DRICH1: variants seen among roughly 807,000 people sequenced by gnomAD.
DRICH1 encodes the protein aspartate rich 1.
In DRICH1, 38 loss-of-function variants were observed where a neutral mutation model predicts 39.5. The ratio of observed to expected loss-of-function variants is 0.96; its 90% confidence interval spans 0.74 to 1.26. DRICH1 has a LOEUF of 1.26. Ranked by LOEUF, DRICH1 falls within the 50% of genes most tolerant of loss-of-function variation. The probability of loss-of-function intolerance (pLI) is 0.00; values close to 1 mark genes in which losing one functional copy is unlikely to be tolerated. For synonymous variants in DRICH1, 84 were observed against 99.5 expected, an observed-to-expected ratio of 0.84 and a Z score of 0.93; for missense variants, 279 against 270.4, an observed-to-expected ratio of 1.03 and a Z score of -0.22.
intron 8 of DRICH1, 53 bp from the exon 9 acceptor site, chr22:23,614,267 C>G (rs1927219986): frequency 2.3e-6 from 3 of 1,312,982 alleles, no homozygotes; most frequent in Non-Finnish European, 3.3e-6. Context: ...GACTCTGAGT[C>G]ACTCGGGGAG....
At chr22:23,621,295 T>G (rs1441682167) in intron 4 of DRICH1, among the ~76,000 whole-genome samples, 1 of 152,028 alleles carries the variant, frequency 6.6e-6, no homozygotes, top group Admixed American at 6.6e-5. Flanking sequence ...GCAAAATAGC[T>G]CGCTTTGTCT....
At chr22:23,589,328 G>C in the DRICH1 span, among the ~76,000 whole-genome samples, 1 of 151,926 alleles carries the variant, frequency 6.6e-6, no homozygotes, top group Non-Finnish European at 1.5e-5. Context: ...GCTTGAACCT[G>C]TAGCCCCAGC....
chr22:23,601,697 G>A, the DRICH1 span, among the ~76,000 whole-genome samples: 4 of 152,204 alleles, frequency 2.6e-5, no homozygotes, highest in South Asian at 2.1e-4. Flanking sequence ...CTACCGTTGA[G>A]GGAACTGGCC....
At chr22:23,623,869 G>A in intron 3 of DRICH1, 1 of 833,368 alleles carries the variant, frequency 1.2e-6, no homozygotes, top group Non-Finnish European at 1.4e-6. Flanking sequence ...CTTCAATGAA[G>A]GTACCAAGAA....
the DRICH1 span, among the ~76,000 whole-genome samples, chr22:23,592,877 C>A: frequency 3.9e-3 from 506 of 130,180 alleles, 2 homozygotes; most frequent in East Asian, 0.028. Flanking sequence ...CACACACACA[C>A]ACAAAATTAG....
At chr22:23,589,128 C>CA in the DRICH1 span, among the ~76,000 whole-genome samples, 5 of 140,924 alleles carry the variant, frequency 3.5e-5, no homozygotes, top group East Asian at 2.0e-4. Context: ...ACACACACAC[C>CA]CCTTTGATAT....
At chr22:23,592,874 ACACAC>A in the DRICH1 span, among the ~76,000 whole-genome samples, 4 of 149,900 alleles carry the variant, frequency 2.7e-5, no homozygotes, top group Admixed American at 6.7e-5. Flanking sequence ...ACACACACAC[ACACAC>A]AAAATTAGCT....
chr22:23,613,832 T>G (rs1246136536), intron 9 of DRICH1, among the ~76,000 whole-genome samples, 172 bp from the exon 10 acceptor site: 1 of 152,152 alleles, frequency 6.6e-6, no homozygotes, highest in African/African-American at 2.4e-5. Context: ...AAACAAGACC[T>G]CTATTTGTAG....
intron 8 of DRICH1, among the ~76,000 whole-genome samples, chr22:23,615,333 G>A (rs912293033): frequency 1.3e-5 from 2 of 152,166 alleles, no homozygotes; most frequent in East Asian, 1.9e-4. Context: ...CCGCGATCAC[G>A]CCATTGCACT....
At chr22:23,601,435 G>A in the DRICH1 span, among the ~76,000 whole-genome samples, 1 of 152,200 alleles carries the variant, frequency 6.6e-6, no homozygotes, top group African/African-American at 2.4e-5. Context: ...AAACTATGCT[G>A]AGTGGGAGAA....
the DRICH1 span, among the ~76,000 whole-genome samples, chr22:23,599,803 G>A: frequency 1.3e-5 from 2 of 152,158 alleles, no homozygotes; most frequent in East Asian, 1.9e-4. Flanking sequence ...GCCCCTCATC[G>A]TCTTCACAGA....
intron 11 of DRICH1, among the ~76,000 whole-genome samples, chr22:23,611,034 GC>G (rs1349440973): frequency 6.6e-6 from 1 of 151,920 alleles, no homozygotes; most frequent in Non-Finnish European, 1.5e-5. Flanking sequence ...CACTCCCTGA[GC>G]CAAGAGCTTC....
intron 1 of DRICH1, among the ~76,000 whole-genome samples, 166 bp downstream of exon 1, chr22:23,631,650 C>G (rs1390479081): frequency 7.2e-6 from 1 of 139,066 alleles, no homozygotes; most frequent in Non-Finnish European, 1.5e-5. Context: ...ACGACAAAGA[C>G]AGGAGGCAGA....
chr22:23,588,552 C>A, the DRICH1 span, among the ~76,000 whole-genome samples: 2 of 152,262 alleles, frequency 1.3e-5, no homozygotes, highest in African/African-American at 4.8e-5. Flanking sequence ...TTCCTGAGAA[C>A]AGAGAGAGCT....
the DRICH1 span, among the ~76,000 whole-genome samples, chr22:23,601,780 T>C: frequency 6.6e-6 from 1 of 152,222 alleles, no homozygotes; most frequent in African/African-American, 2.4e-5. Context: ...AAATAAAAAG[T>C]TTAATTTAAA....
At chr22:23,603,745 G>C (rs539946742), downstream of DRICH1, among the ~76,000 whole-genome samples, 33 of 152,150 alleles carry the variant, frequency 2.2e-4, no homozygotes, top group South Asian at 6.6e-3. Flanking sequence ...CTCCAAAAAT[G>C]GGCCATGATC....
chr22:23,618,534 A>G (rs1927516338), intron 6 of DRICH1, among the ~76,000 whole-genome samples: 1 of 152,162 alleles, frequency 6.6e-6, no homozygotes, highest in African/African-American at 2.4e-5. Context: ...GTGTGAACAC[A>G]AACTTTTGGG....
intron 11 of DRICH1, among the ~76,000 whole-genome samples, chr22:23,611,818 G>A (rs1656369249): frequency 6.6e-6 from 1 of 152,170 alleles, no homozygotes; most frequent in Admixed American, 6.5e-5. Flanking sequence ...TCTGTGGTGA[G>A]GCGGGTGTAA....
intron 2 of DRICH1, 143 bp downstream of exon 2, chr22:23,625,838 A>C (rs1322819789): frequency 1.5e-6 from 1 of 672,908 alleles, no homozygotes; most frequent in Non-Finnish European, 2.6e-6. Context: ...GTCTGCACCC[A>C]GATCTTGCAA....
Sources: gnomAD v4.1 joint callset for allele counts (sites outside exome capture counted in the v4.1 genomes callset) on GRCh38, gnomAD v4.1.1 for gene constraint, MANE v1.5 for transcripts, NCBI Gene and HGNC (gene_info 2026-07-23, HGNC 2026-07-21) for gene names.